TTLL11: variants seen among roughly 807,000 people sequenced by gnomAD.
TTLL11 encodes tubulin polyglutamylase TTLL11.
In TTLL11, 42 loss-of-function variants were observed where a neutral mutation model predicts 51.7. The ratio of observed to expected loss-of-function variants is 0.81; its 90% CI spans 0.64 to 1.05. The LOEUF is 1.05. Among genes scored for constraint, TTLL11 ranks in the 50% least tolerant of loss-of-function variants. The pLI is 0.00. For missense variants in TTLL11, 799 were observed against 940.4 expected, an observed-to-expected ratio of 0.85 and a Z score of 1.97; for synonymous variants, 381 against 383.5, an observed-to-expected ratio of 0.99 and a Z score of 0.08.
At chr9:121,957,509 G>C (rs934940837) in intron 6 of TTLL11, among the ~76,000 whole-genome samples, 1 of 152,160 alleles carries the variant, frequency 6.6e-6, no homozygotes, top group Non-Finnish European at 1.5e-5. Context: ...CAATTACTGA[G>C]TTTGCAGAAA....
intron 6 of TTLL11, among the ~76,000 whole-genome samples, chr9:121,887,950 C>T (rs1042233329): frequency 2.0e-5 from 3 of 152,180 alleles, no homozygotes; most frequent in African/African-American, 7.2e-5. Flanking sequence ...AGTGAGTCAG[C>T]TTCCTGGCCC....
chr9:121,862,943 C>A (rs1037386591), intron 7 of TTLL11, among the ~76,000 whole-genome samples: 5 of 152,106 alleles, frequency 3.3e-5, no homozygotes, highest in Admixed American at 6.5e-5. Flanking sequence ...CAAACCCAAG[C>A]GCACCCCTAA....
At chr9:122,085,551 G>C (rs552973649) in intron 1 of TTLL11, among the ~76,000 whole-genome samples, 3 of 152,086 alleles carry the variant, frequency 2.0e-5, no homozygotes, top group Non-Finnish European at 4.4e-5. Flanking sequence ...ATATCTATTA[G>C]ATAAGTCAAA....
intron 3 of TTLL11, among the ~76,000 whole-genome samples, chr9:121,997,275 C>T (rs1843304437): frequency 6.6e-6 from 1 of 152,178 alleles, no homozygotes; most frequent in South Asian, 2.1e-4. Flanking sequence ...ATTTTCCTCT[C>T]AGGTCCCTTC....
chr9:121,892,830 G>GT (rs1839303190), intron 6 of TTLL11, among the ~76,000 whole-genome samples: 1 of 152,186 alleles, frequency 6.6e-6, no homozygotes, highest in Non-Finnish European at 1.5e-5. Context: ...TTGCTGGACT[G>GT]TTTTGAGTGG....
intron 8 of TTLL11, among the ~76,000 whole-genome samples, chr9:121,823,953 T>G (rs780047965): frequency 3.3e-5 from 5 of 152,202 alleles, no homozygotes; most frequent in Non-Finnish European, 7.3e-5. Context: ...ACAGGATTCC[T>G]GCACTTCTCT....
Position 122,092,873 on chromosome 9 carries a change from C to T in TTLL11, c.276G>A (p.Lys92=). Residue 92 remains lysine (K), a synonymous_variant, in exon 1 of 9, where the codon AAG becomes AAA. Coordinates refer to ENST00000321582, the MANE Select transcript of TTLL11 (RefSeq NM_001139442.2). ...GGCAGAGGCCCTGCACCGGCTTCGG[C>T]TTGGACGGGGGCAGCGTGGGCGGCG... The part of the protein sequence containing the change: ...QRPPPTLPPS[K]PKPVQGLCPH... The T allele has an allele frequency of 6.4e-7, 1 of 1,572,984 alleles. No individual in the cohort carries two copies. Among genetic ancestry groups the T allele is most frequent in the Non-Finnish European group, 8.6e-7 (1 of 1,166,868 alleles).
intron 6 of TTLL11, among the ~76,000 whole-genome samples, chr9:121,871,711 C>A (rs150010987): frequency 1.3e-5 from 2 of 152,334 alleles, no homozygotes; most frequent in East Asian, 3.9e-4. Flanking sequence ...ACTTGAGGCC[C>A]TTCCCGAGTT....
chr9:121,950,762 C>T (rs1488475871), intron 6 of TTLL11, among the ~76,000 whole-genome samples: 1 of 152,176 alleles, frequency 6.6e-6, no homozygotes. Context: ...CCAAGCCTCC[C>T]TCCAGGCTTT....
intron 6 of TTLL11, among the ~76,000 whole-genome samples, chr9:121,941,170 C>T (rs1417511474): frequency 6.6e-6 from 1 of 152,200 alleles, no homozygotes; most frequent in Non-Finnish European, 1.5e-5. Context: ...TTACTCTTTA[C>T]CTTCTAAAAT....
At chr9:121,997,852 T>C (rs1843325856) in intron 3 of TTLL11, among the ~76,000 whole-genome samples, 1 of 152,096 alleles carries the variant, frequency 6.6e-6, no homozygotes, top group African/African-American at 2.4e-5. Flanking sequence ...ACCCGTCTCC[T>C]GAGACTCGGC....
intron 2 of TTLL11, among the ~76,000 whole-genome samples, chr9:122,035,178 C>G (rs1564368753): frequency 6.6e-6 from 1 of 152,190 alleles, no homozygotes. Context: ...CCTGCAAGGG[C>G]TGGAATCCTC....
chr9:121,865,045 G>T lies in TTLL11; in HGVS notation c.1734-4602C>A, dbSNP rs145308004. ...AACCACACTACCTAAACATCTAAGGGGGCAAGAAGACAACTCCAGTTTAAA... is the reference window on the plus strand; with the variant it reads ...AACCACACTACCTAAACATCTAAGGTGGCAAGAAGACAACTCCAGTTTAAA... On this transcript the variant is annotated intron_variant, in intron 7 of 8. Coordinates refer to ENST00000321582, the MANE Select transcript of TTLL11 (RefSeq NM_001139442.2). Among the ~76,000 whole-genome samples the T allele has an allele frequency of 6.6e-5, 10 of 152,166 alleles. No individual in the cohort carries two copies. The East Asian group carries it at 1.7e-3, about 26-fold the overall frequency.
chr9:121,926,705 G>C (rs1373589262), intron 6 of TTLL11, among the ~76,000 whole-genome samples: 1 of 152,226 alleles, frequency 6.6e-6, no homozygotes. Context: ...CTTCCTCCTC[G>C]AGGCTGGAGC....
intron 6 of TTLL11, among the ~76,000 whole-genome samples, chr9:121,962,262 T>C (rs1467443230): frequency 6.6e-6 from 1 of 152,162 alleles, no homozygotes; most frequent in Non-Finnish European, 1.5e-5. Context: ...ATTACTTTCA[T>C]AATGAGGAAA....
chr9:121,994,068 A>G (rs190618174), intron 3 of TTLL11, among the ~76,000 whole-genome samples: 3 of 152,212 alleles, frequency 2.0e-5, no homozygotes, highest in East Asian at 3.9e-4. Context: ...TCCTACCTCA[A>G]TGTTCAGGGC....
chr9:121,924,762 C>G (rs1172783059), intron 6 of TTLL11, among the ~76,000 whole-genome samples: 1 of 139,398 alleles, frequency 7.2e-6, no homozygotes, highest in Non-Finnish European at 1.6e-5. Context: ...ATAACAAGCA[C>G]TTTTTTTTTT....
intron 8 of TTLL11, among the ~76,000 whole-genome samples, chr9:121,841,538 G>A (rs1022420599): frequency 6.6e-6 from 1 of 152,158 alleles, no homozygotes; most frequent in Non-Finnish European, 1.5e-5. Flanking sequence ...AACGCACTCA[G>A]TCATGTAAGG....
chr9:121,928,441 ATTTT>A (rs35562644), intron 6 of TTLL11, among the ~76,000 whole-genome samples: 24 of 131,838 alleles, frequency 1.8e-4, no homozygotes, highest in South Asian at 2.5e-4. Flanking sequence ...TTTGTTTTGG[ATTTT>A]TTTTTTTTTT....
Sources: gnomAD v4.1 joint callset for allele counts (sites outside exome capture counted in the v4.1 genomes callset) on GRCh38, gnomAD v4.1.1 for gene constraint, MANE v1.5 for transcripts, NCBI Gene and HGNC (gene_info 2026-07-23, HGNC 2026-07-21) for gene names.